DNAAF10: variants seen among roughly 807,000 people sequenced by gnomAD.
The protein encoded by DNAAF10 is dynein axonemal assembly factor 10.
A neutral mutation model predicts 43.7 loss-of-function variants in DNAAF10; 28 were observed. The ratio of observed to expected loss-of-function variants is 0.64; its 90% CI spans 0.48 to 0.88. The LOEUF is 0.88. Among genes scored for constraint, DNAAF10 ranks in the 40% least tolerant of loss-of-function variants. The pLI, the probability that DNAAF10 is intolerant of heterozygous loss-of-function variation, is 0.00. For missense variants in DNAAF10, 403 were observed against 439.1 expected (o/e 0.92, Z 0.73); for synonymous variants, 156 against 157.3 (o/e 0.99, Z 0.06).
At chr2:68,150,052 T>C (rs1673415502) in intron 1 of DNAAF10, among the ~76,000 whole-genome samples, 1 of 152,208 alleles carries the variant, frequency 6.6e-6, no homozygotes, top group Non-Finnish European at 1.5e-5. Flanking sequence ...AGCATTCTGC[T>C]TCCCAGAATT....
chr2:68,137,613 A>T (rs1673074680), intron 5 of DNAAF10, among the ~76,000 whole-genome samples, 180 bp from the exon 6 acceptor site: 1 of 152,232 alleles, frequency 6.6e-6, no homozygotes, highest in African/African-American at 2.4e-5. Context: ...TTATGCCTGT[A>T]ATCCCAGCAC....
intron 4 of DNAAF10, 71 bp downstream of exon 4, chr2:68,141,623 G>T: frequency 7.1e-7 from 1 of 1,408,624 alleles, no homozygotes; most frequent in Non-Finnish European, 1.0e-6. Context: ...AGAGACTACT[G>T]TGAAATTTCT....
chr2:68,146,236 T>G (rs909310196), intron 2 of DNAAF10, among the ~76,000 whole-genome samples: 1 of 152,202 alleles, frequency 6.6e-6, no homozygotes, highest in South Asian at 2.1e-4. Flanking sequence ...CACTCCAGCC[T>G]AGGCAACAGA....
At chr2:68,154,830 T>TG (rs1232763756) in intron 1 of DNAAF10, among the ~76,000 whole-genome samples, 6 of 152,142 alleles carry the variant, frequency 3.9e-5, no homozygotes, top group African/African-American at 1.2e-4. Context: ...AGTGCAGTGG[T>TG]GCGAACACAG....
rs566417137 is a variant in DNAAF10 at position 68,134,946 on chromosome 2, G to A, written c.769-147C>T. 1.9e-5 allele frequency: 16 copies of A among 836,924 alleles called. No individual in the cohort carries two copies. In the African/African-American group the frequency reaches 2.0e-4, roughly 10 times the overall value. The allele number at this position is 836,924 out of a possible 1,614,324, so 51.8% of individuals were successfully genotyped here. A position where few individuals can be genotyped will look rare whatever the true frequency, so the allele number is the denominator to read the frequency against. ...TTTTCTGGCACATCTCTTTATAATG[G>A]CTATAGAGATTTATAGGAACACATA... On this transcript the variant is annotated intron_variant, in intron 6 of 7. Transcript: ENST00000295121.
rs1043637937 is a variant in DNAAF10 at position 68,138,637 on chromosome 2, G to A, written c.633+105C>T. On this transcript the variant is annotated intron_variant, in intron 5 of 7. Transcript: ENST00000295121. ...CAAAAAGTTAAGAACCGTTGGCAGA[G>A]GGGTTGACTCAGATGAGTTACTAGA... 7.6e-6 allele frequency: 6 copies of A among 787,442 alleles called. No homozygotes were observed. The East Asian group carries it at 1.5e-4, about 20-fold the overall frequency. The allele number at this position is 787,442 out of a possible 1,614,324, so 48.8% of individuals were successfully genotyped here.
At position 68,141,761 on chromosome 2, in the gene DNAAF10, A is replaced by G; in HGVS notation, c.450T>C (p.Asp150=). 6.2e-7 allele frequency: 1 copy of G among 1,614,198 alleles called. No homozygotes were observed. The highest frequency in any genetic ancestry group is 8.5e-7 in the Non-Finnish European group (1 of 1,180,016). Residue 150 remains aspartate, a synonymous_variant, in exon 4 of 8, where the codon GAT becomes GAC. Coordinates refer to ENST00000295121, the MANE Select transcript of DNAAF10 (RefSeq NM_138458.4). ...CAGGTTCCATATTAGCAACAGGATCATCTTTTTGCCTTGGGTCCCACACCT... is the reference window on the plus strand; with the variant it reads ...CAGGTTCCATATTAGCAACAGGATCGTCTTTTTGCCTTGGGTCCCACACCT... The part of the protein sequence containing the change: ...TVKVWDPRQK[D]DPVANMEPVQ...
intron 1 of DNAAF10, among the ~76,000 whole-genome samples, 168 bp from the exon 2 acceptor site, chr2:68,147,735 C>A (rs1363147669): frequency 6.6e-6 from 1 of 152,106 alleles, no homozygotes; most frequent in Non-Finnish European, 1.5e-5. Flanking sequence ...ACTCATTTTT[C>A]TTTAAAATAT....
chr2:68,146,643 G>T (rs911204015), intron 2 of DNAAF10, among the ~76,000 whole-genome samples: 5 of 152,142 alleles, frequency 3.3e-5, no homozygotes, highest in Non-Finnish European at 7.4e-5. Flanking sequence ...AATTATTAAG[G>T]AGTTAAAGCA....
chr2:68,142,330 C>A (rs1169792590), intron 3 of DNAAF10, among the ~76,000 whole-genome samples: 2 of 152,100 alleles, frequency 1.3e-5, no homozygotes. Flanking sequence ...GATCTTGGCT[C>A]ACTGCAACCT....
chr2:68,142,903 T>C (rs777638348), intron 3 of DNAAF10, among the ~76,000 whole-genome samples: 3 of 152,220 alleles, frequency 2.0e-5, no homozygotes, highest in Non-Finnish European at 2.9e-5. Context: ...TTTATTTATT[T>C]AGAGACAGGG....
At chr2:68,136,617 T>C (rs1185084897) in intron 6 of DNAAF10, among the ~76,000 whole-genome samples, 1 of 152,216 alleles carries the variant, frequency 6.6e-6, no homozygotes, top group Non-Finnish European at 1.5e-5. Flanking sequence ...TTTTTATACT[T>C]GAGGAAGTTC....
rs375866422 is a variant in DNAAF10 at position 68,131,268 on chromosome 2, T to C, written c.1044A>G (p.Val348=). ...VCSSFDQTVR[V]LIVTKLNKI Reference sequence around the variant, plus strand: ...TTTTATTGAGCTTTGTAACGATCAGTACTCTCACCGTTTGGTCAAATGAAC... The same window carrying C: ...TTTTATTGAGCTTTGTAACGATCAGCACTCTCACCGTTTGGTCAAATGAAC... Residue 348 remains valine (V), a synonymous_variant, in exon 8 of 8, where the codon GTA becomes GTG. Coordinates refer to ENST00000295121, the MANE Select transcript of DNAAF10 (RefSeq NM_138458.4). 1.2e-5 allele frequency: 20 copies of C among 1,613,956 alleles called. No individual in the cohort carries two copies. The African/African-American group carries it at 2.7e-4, about 22-fold the overall frequency.
At position 68,130,881 on chromosome 2, in the gene DNAAF10, G is replaced by A. The variant is rs532534855; in HGVS notation, c.*357C>T. On this transcript the variant is annotated 3_prime_UTR_variant, in exon 8 of 8. Transcript: ENST00000295121. The stretch of plus-strand genomic sequence containing the variant: ...CTCCAGAACCTATCTTAAATTGTGT[G>A]AGTGTTCCTCTGGAAGGTTTCAAGT... The A allele has an allele frequency of 2.6e-5, 5 of 191,374 alleles. No individual in the cohort carries two copies. In the Admixed American group the frequency reaches 2.7e-4, roughly 10 times the overall value. 11.9% of individuals were successfully genotyped at this position (191,374 alleles called of 1,614,324 possible). A position where few individuals can be genotyped will look rare whatever the true frequency, so the allele number is the denominator to read the frequency against.
chr2:68,150,755 A>C (rs1289248904), intron 1 of DNAAF10, among the ~76,000 whole-genome samples: 2 of 152,118 alleles, frequency 1.3e-5, no homozygotes, highest in Non-Finnish European at 2.9e-5. Flanking sequence ...AAAATAAAAA[A>C]ATAAAAATAA....
Position 68,134,778 on chromosome 2 carries a change from G to A in DNAAF10, c.790C>T (p.Gln264Ter). 6.2e-7 allele frequency: 1 copy of A among 1,613,082 alleles called. No homozygotes were observed. The highest frequency in any genetic ancestry group is 1.1e-5 in the South Asian group (1 of 90,792). The part of the protein sequence containing the change: ...SEKAHKSTVW[Q>*]VRHLPQNREL... ...CTGTTCTGCGGCAGGTGTCGGACCT[G>A]CCACACAGTAGATTTATGAGCCTAA... The change falls in exon 7 of 8, where the codon CAG becomes TAG. Residue 264 changes from glutamine (Q) to a stop codon, truncating the protein, a stop_gained. Coordinates refer to ENST00000295121, the MANE Select transcript of DNAAF10 (RefSeq NM_138458.4). LOFTEE classifies it high-confidence loss of function.
At chr2:68,153,345 T>TA (rs775794947) in intron 1 of DNAAF10, among the ~76,000 whole-genome samples, 3,171 of 98,712 alleles carry the variant, frequency 0.032, 86 homozygotes, top group African/African-American at 0.088. Flanking sequence ...AGTGATAAAT[T>TA]AAAAAAAAAA....
At chr2:68,148,785 T>C (rs1673387321) in intron 1 of DNAAF10, among the ~76,000 whole-genome samples, 5 of 152,216 alleles carry the variant, frequency 3.3e-5, no homozygotes, top group Admixed American at 2.6e-4. Flanking sequence ...ATAAAAGTAA[T>C]ACCTGCTCCC....
chr2:68,136,078 T>C (rs954884986), intron 6 of DNAAF10, among the ~76,000 whole-genome samples: 4 of 150,722 alleles, frequency 2.7e-5, no homozygotes, highest in African/African-American at 4.9e-5. Context: ...ATTAGCCAGA[T>C]ATGGTGGCGT....
Sources: gnomAD v4.1 joint callset for allele counts (sites outside exome capture counted in the v4.1 genomes callset) on GRCh38, gnomAD v4.1.1 for gene constraint, MANE v1.5 for transcripts, NCBI Gene and HGNC (gene_info 2026-07-23, HGNC 2026-07-21) for gene names.